Variants in CA8 observed in about 807,000 individuals in gnomAD.
The protein encoded by CA8 is carbonic anhydrase 8 (inactive).
Under a neutral mutation model 41.4 loss-of-function variants are expected in CA8, and 22 were observed. The observed-to-expected ratio is 0.53, with a 90% CI of 0.38 to 0.76. The LOEUF is 0.76. Ranked by LOEUF, CA8 falls within the 30% of genes least tolerant of loss-of-function variation. CA8 has a pLI of 0.00. For synonymous variants in CA8, 121 were observed against 130.6 expected (o/e 0.93, Z 0.50); for missense variants, 270 against 352.8 (o/e 0.77, Z 1.88).
At chr8:60,204,447 T>C (rs1432277685) in intron 8 of CA8, among the ~76,000 whole-genome samples, 3 of 152,242 alleles carry the variant, frequency 2.0e-5, no homozygotes, top group South Asian at 2.1e-4. Flanking sequence ...TTATCCATGA[T>C]AAATTATTAA....
In CA8 at chr8:60,273,658, G is replaced by A. The variant is rs191670837; in HGVS notation, c.292+6031C>T. 3.9e-5 allele frequency among the ~76,000 whole-genome samples: 6 copies of A among 152,348 alleles called. No individual in the cohort carries two copies. The East Asian group carries it at 9.6e-4, about 24-fold the overall frequency. ...AGCAGAGAAAAGGCAGTCAAAATTA[G>A]GAAGAAGTGTCAGGGAACTGTGTGG... is the stretch of plus-strand genomic sequence containing the variant. On this transcript the variant is annotated intron_variant, in intron 2 of 8. Coordinates refer to ENST00000317995, the MANE Select transcript of CA8 (RefSeq NM_004056.6).
At chr8:60,198,813 G>A (rs1806347436) in intron 8 of CA8, among the ~76,000 whole-genome samples, 2 of 152,022 alleles carry the variant, frequency 1.3e-5, no homozygotes, top group African/African-American at 4.8e-5. Context: ...AATATTTCAG[G>A]TACAGGAATG....
intron 3 of CA8, among the ~76,000 whole-genome samples, chr8:60,243,674 C>G (rs535350919): frequency 6.6e-6 from 1 of 152,140 alleles, no homozygotes; most frequent in African/African-American, 2.4e-5. Context: ...CACTAAATCA[C>G]GTTTTCGCCT....
chr8:60,267,989 T>C (rs1432707446), intron 2 of CA8, among the ~76,000 whole-genome samples: 1 of 152,142 alleles, frequency 6.6e-6, no homozygotes, highest in Non-Finnish European at 1.5e-5. Flanking sequence ...CTGTCCAAAT[T>C]TGGTCTTAAG....
At chr8:60,202,602 T>G (rs1003398863) in intron 8 of CA8, among the ~76,000 whole-genome samples, 2 of 152,226 alleles carry the variant, frequency 1.3e-5, no homozygotes, top group Non-Finnish European at 2.9e-5. Context: ...GTGTCTAAGA[T>G]AGCTTAACAA....
chr8:60,237,983 A>G (rs1200304310), intron 3 of CA8, among the ~76,000 whole-genome samples: 2 of 152,230 alleles, frequency 1.3e-5, no homozygotes, highest in Non-Finnish European at 2.9e-5. Context: ...GAAAACAACC[A>G]TGATGCATCC....
rs1806038929 is a variant in CA8 at position 60,188,942 on chromosome 8, T to G, written c.*1079A>C. The G allele has an allele frequency of 1.3e-5, 2 of 152,216 alleles. No homozygotes were observed. Among genetic ancestry groups the G allele is most frequent in the Non-Finnish European group, 2.9e-5 (2 of 68,044 alleles). 9.4% of individuals were successfully genotyped at this position (152,216 alleles called of 1,614,324 possible). ...TCACAAAATCCCTCCAAACTGGGAC[T>G]ATGTTTTTGAAGTCATTCATTTTAC... On this transcript the variant is annotated 3_prime_UTR_variant, in exon 9 of 9. Transcript: ENST00000317995.
chr8:60,225,887 G>A (rs935198987), intron 5 of CA8, among the ~76,000 whole-genome samples: 7 of 152,158 alleles, frequency 4.6e-5, no homozygotes, highest in Non-Finnish European at 7.4e-5. Context: ...ACTTTGCAAG[G>A]CCGAGGTGGG....
chr8:60,200,947 T>C (rs192939007), intron 8 of CA8, among the ~76,000 whole-genome samples: 166 of 152,276 alleles, frequency 1.1e-3, no homozygotes, highest in Non-Finnish European at 2.0e-3. Flanking sequence ...AACAATCCTA[T>C]GTAGAAGAAA....
At chr8:60,242,104 G>A (rs2130524327) in intron 3 of CA8, among the ~76,000 whole-genome samples, 1 of 152,252 alleles carries the variant, frequency 6.6e-6, no homozygotes, top group Non-Finnish European at 1.5e-5. Context: ...AAAGAATCCA[G>A]GATGTAAATA....
chr8:60,269,576 A>G (rs913180079), intron 2 of CA8, among the ~76,000 whole-genome samples: 3 of 152,244 alleles, frequency 2.0e-5, no homozygotes, highest in Admixed American at 1.3e-4. Context: ...AAAACCCTAT[A>G]AAGACATGAT....
rs1212719308 is a variant in CA8, at chr8:60,187,929, T to C, written c.*2092A>G. On this transcript the variant is annotated 3_prime_UTR_variant, in exon 9 of 9. Coordinates refer to ENST00000317995, the MANE Select transcript of CA8 (RefSeq NM_004056.6). ...AAAACAGATTTGAGATTAGTTGTTGTGCTTTCGTTTACTGACAAACTACCT... is the reference window on the plus strand; with the variant it reads ...AAAACAGATTTGAGATTAGTTGTTGCGCTTTCGTTTACTGACAAACTACCT... The C allele has an allele frequency of 5.9e-5, 9 of 152,212 alleles. No homozygotes were observed. The highest frequency in any genetic ancestry group is 1.3e-4 in the Non-Finnish European group (9 of 68,032). 9.4% of individuals were successfully genotyped at this position (152,212 alleles called of 1,614,324 possible).
At chr8:60,223,894 C>T (rs1274124614) in intron 6 of CA8, among the ~76,000 whole-genome samples, 2 of 152,106 alleles carry the variant, frequency 1.3e-5, no homozygotes, top group African/African-American at 2.4e-5. Context: ...ATACAACAAC[C>T]TTTAAATCAT....
At chr8:60,248,557 G>A (rs1292755844) in intron 3 of CA8, among the ~76,000 whole-genome samples, 1 of 152,154 alleles carries the variant, frequency 6.6e-6, no homozygotes, top group Non-Finnish European at 1.5e-5. Context: ...AGGTCAGGTG[G>A]CTGTAGATGT....
chr8:60,257,619 C>T (rs753687505), intron 3 of CA8, among the ~76,000 whole-genome samples: 3 of 152,128 alleles, frequency 2.0e-5, no homozygotes, highest in Non-Finnish European at 2.9e-5. Flanking sequence ...GGTTCTCTAG[C>T]GTCTCTTCAG....
At chr8:60,218,814 CA>C (rs924068030) in intron 7 of CA8, among the ~76,000 whole-genome samples, 9 of 152,140 alleles carry the variant, frequency 5.9e-5, no homozygotes, top group Non-Finnish European at 1.2e-4. Context: ...CATAGAACAA[CA>C]GTGACTATAC....
chr8:60,223,858 G>A (rs1362563673), intron 6 of CA8, among the ~76,000 whole-genome samples: 1 of 152,210 alleles, frequency 6.6e-6, no homozygotes, highest in Non-Finnish European at 1.5e-5. Context: ...AATTTGGGCA[G>A]AGAAATGTGA....
At chr8:60,221,964 C>G (rs1459686302) in intron 7 of CA8, among the ~76,000 whole-genome samples, 1 of 152,148 alleles carries the variant, frequency 6.6e-6, no homozygotes, top group Non-Finnish European at 1.5e-5. Context: ...CAATATAGCT[C>G]TCCAGAACAT....
rs758261533 is a variant in CA8 at position 60,208,884 on chromosome 8, C to T, written c.774G>A (p.Lys258=). ...CACAGCCTTCCACAAGTTCTGCCCC[C>T]TTAACATGTGTCCTCAGCCTTCGAA... ...EEFRRLRTHV[K]GAELVEGCDG... Residue 258 remains lysine (K), a synonymous_variant, in exon 8 of 9, where the codon AAG becomes AAA. Coordinates refer to ENST00000317995, the MANE Select transcript of CA8 (RefSeq NM_004056.6). 12 of 1,614,024 alleles carry T rather than the reference C, an allele frequency of 7.4e-6. 1 individual carries two copies. Among genetic ancestry groups the T allele is most frequent in the Admixed American group, 1.7e-5 (1 of 59,992 alleles).
Sources: gnomAD v4.1 joint callset for allele counts (sites outside exome capture counted in the v4.1 genomes callset) on GRCh38, gnomAD v4.1.1 for gene constraint, MANE v1.5 for transcripts, NCBI Gene and HGNC (gene_info 2026-07-23, HGNC 2026-07-21) for gene names.